The following TENM3 variants were observed in gnomAD, a reference collection of about 807,000 sequenced individuals.
TENM3 encodes teneurin-3.
TENM3 carries 63 observed loss-of-function variants against 255.1 expected under a neutral mutation model. That is an observed-to-expected ratio of 0.25 (90% CI 0.20 to 0.30). TENM3 has a LOEUF of 0.30. Ranked by LOEUF, TENM3 falls within the 10% of genes least tolerant of loss-of-function variation. TENM3 has a pLI of 1.00. For missense variants in TENM3, 2,929 were observed against 3,461.1 expected (o/e 0.85, Z 3.86); for synonymous variants, 1,306 against 1,322.3 (o/e 0.99, Z 0.27).
the TENM3 span, among the ~76,000 whole-genome samples, chr4:182,077,979 T>C: frequency 1.3e-5 from 2 of 152,092 alleles, no homozygotes; most frequent in South Asian, 4.1e-4. Context: ...TTATGAATCA[T>C]TACAACAAGC....
At chr4:181,767,268 A>AG in the TENM3 span, among the ~76,000 whole-genome samples, 26 of 150,012 alleles carry the variant, frequency 1.7e-4, no homozygotes, top group Non-Finnish European at 3.1e-4. Context: ...AAAAAAAAAA[A>AG]AAAGAAAGAA....
chr4:181,599,594 C>G, the TENM3 span, among the ~76,000 whole-genome samples: 493 of 152,290 alleles, frequency 3.2e-3, 4 homozygotes, highest in African/African-American at 0.011. Context: ...AATTTTGATG[C>G]ACTAAGTAAT....
chr4:182,195,985 T>C lies in TENM3; in HGVS notation c.-76+51231T>C, dbSNP rs531466889. Among the ~76,000 whole-genome samples, 6 of 152,260 alleles carry C rather than the reference T, an allele frequency of 3.9e-5. No individual in the cohort carries two copies. The East Asian group carries it at 1.2e-3, about 29-fold the overall frequency. ...ATCAATAACCCTTCTGGCAACTTCT[T>C]TTCAGGGCCAAGATTAACTGCCCTA... On this transcript the variant is annotated intron_variant, in intron 1 of 2. Coordinates refer to the TENM3 transcript ENST00000512480.
chr4:182,073,017 G>T, the TENM3 span, among the ~76,000 whole-genome samples: 1 of 152,204 alleles, frequency 6.6e-6, no homozygotes, highest in Non-Finnish European at 1.5e-5. Flanking sequence ...CAGGCCATGT[G>T]TATTAATCTG....
At chr4:182,387,914 T>C (rs1768089592) in intron 3 of TENM3, among the ~76,000 whole-genome samples, 1 of 143,656 alleles carries the variant, frequency 7.0e-6, no homozygotes, top group Admixed American at 7.2e-5. Flanking sequence ...AATAGGACTC[T>C]GGTTTCTAAG....
At chr4:181,908,468 G>T in the TENM3 span, among the ~76,000 whole-genome samples, 3 of 152,006 alleles carry the variant, frequency 2.0e-5, no homozygotes, top group Non-Finnish European at 2.9e-5. Flanking sequence ...AATATTTAAA[G>T]ATAATATTTA....
the TENM3 span, among the ~76,000 whole-genome samples, chr4:181,562,866 G>A: frequency 6.6e-6 from 1 of 152,020 alleles, no homozygotes; most frequent in Non-Finnish European, 1.5e-5. Context: ...GTATAGGCGG[G>A]GTTTCACCAT....
At chr4:182,344,300 T>C (rs1361102453) in intron 2 of TENM3, among the ~76,000 whole-genome samples, 1 of 152,124 alleles carries the variant, frequency 6.6e-6, no homozygotes, top group Admixed American at 6.5e-5. Flanking sequence ...TAAGGAAATC[T>C]AACAGGGACT....
the TENM3 span, among the ~76,000 whole-genome samples, chr4:181,720,104 A>T: frequency 6.6e-6 from 1 of 152,218 alleles, no homozygotes; most frequent in Non-Finnish European, 1.5e-5. Flanking sequence ...TCGTATATTT[A>T]GATTAAAATA....
chr4:182,128,322 A>G, the TENM3 span, among the ~76,000 whole-genome samples: 4 of 151,314 alleles, frequency 2.6e-5, no homozygotes, highest in African/African-American at 9.7e-5. Context: ...TGAGTTTTGT[A>G]CTTGTTTCTT....
chr4:182,184,358 T>G (rs1190147650), intron 1 of TENM3, among the ~76,000 whole-genome samples: 1 of 152,162 alleles, frequency 6.6e-6, no homozygotes, highest in African/African-American at 2.4e-5. Context: ...CAGTTTGATA[T>G]AGAAGCAAGA....
the TENM3 span, among the ~76,000 whole-genome samples, chr4:181,573,219 C>T: frequency 6.6e-6 from 1 of 152,156 alleles, no homozygotes; most frequent in South Asian, 2.1e-4. Context: ...GCACATATCT[C>T]TTGATCTACT....
the TENM3 span, among the ~76,000 whole-genome samples, chr4:181,474,742 A>AC: frequency 8.8e-3 from 1,320 of 149,570 alleles, 19 homozygotes; most frequent in African/African-American, 0.031. Context: ...CTCAAAACAA[A>AC]AAAAAAAAAA....
the TENM3 span, among the ~76,000 whole-genome samples, chr4:181,772,997 C>A: frequency 6.6e-6 from 1 of 152,124 alleles, no homozygotes; most frequent in Non-Finnish European, 1.5e-5. Context: ...AGGGCACCCC[C>A]CCAAAAAATA....
intron 1 of TENM3, among the ~76,000 whole-genome samples, chr4:182,204,106 C>T (rs1416920085): frequency 2.6e-5 from 4 of 151,902 alleles, no homozygotes; most frequent in African/African-American, 4.8e-5. Context: ...GAGTTGGCTG[C>T]GGGGGACAAA....
chr4:182,486,920 A>T (rs1000526812), intron 3 of TENM3, among the ~76,000 whole-genome samples: 1 of 152,218 alleles, frequency 6.6e-6, no homozygotes, highest in Non-Finnish European at 1.5e-5. Flanking sequence ...CTAGAAAGAC[A>T]TCCAGTTCCT....
chr4:181,725,871 G>T, the TENM3 span, among the ~76,000 whole-genome samples: 18 of 152,072 alleles, frequency 1.2e-4, no homozygotes, highest in African/African-American at 4.1e-4. Flanking sequence ...CCTAATACCA[G>T]TACGATAGTA....
chr4:181,839,843 T>C, the TENM3 span, among the ~76,000 whole-genome samples: 3 of 151,970 alleles, frequency 2.0e-5, no homozygotes, highest in African/African-American at 7.2e-5. Context: ...TCTTGCAGTT[T>C]CACTAAAATA....
At chr4:182,103,468 C>T in the TENM3 span, among the ~76,000 whole-genome samples, 19 of 152,174 alleles carry the variant, frequency 1.2e-4, no homozygotes, top group Non-Finnish European at 2.4e-4. Flanking sequence ...AATGAAATTT[C>T]TTAGCTCAAA....
Sources: gnomAD v4.1 joint callset for allele counts (sites outside exome capture counted in the v4.1 genomes callset) on GRCh38, gnomAD v4.1.1 for gene constraint, MANE v1.5 for transcripts, NCBI Gene and HGNC (gene_info 2026-07-23, HGNC 2026-07-21) for gene names.